Variants in SND1 observed in about 807,000 individuals in gnomAD.
SND1 encodes the protein staphylococcal nuclease domain-containing protein 1.
SND1 carries 38 observed loss-of-function variants against 121.7 expected under a neutral mutation model. The observed-to-expected ratio is 0.31, with a 90% CI of 0.24 to 0.41. The LOEUF is 0.41. Ranked by LOEUF, SND1 falls within the 10% of genes least tolerant of loss-of-function variation. SND1 has a pLI of 1.00. For missense variants in SND1, 868 were observed against 1,184.6 expected (o/e 0.73, Z 3.92); for synonymous variants, 401 against 447.4 (o/e 0.90, Z 1.31).
Position 127,897,337 on chromosome 7 carries a change from T to C in SND1, c.1455-7410T>C, listed in dbSNP as rs1800140998. On this transcript the variant is annotated intron_variant, in intron 13 of 23. Transcript: ENST00000354725. ...TGAACATTGTCACAGAATTGTTGCT[T>C]TTCACTCAGTCAAAAGACACATTAA... 1.3e-5 allele frequency among the ~76,000 whole-genome samples: 2 copies of C among 152,164 alleles called. 1 individual carries two copies. Among genetic ancestry groups the C allele is most frequent in the South Asian group, 4.1e-4 (2 of 4,830 alleles).
chr7:127,773,268 A>C (rs762863944), intron 10 of SND1, among the ~76,000 whole-genome samples: 2 of 152,184 alleles, frequency 1.3e-5, no homozygotes, highest in Non-Finnish European at 2.9e-5. Flanking sequence ...TCTGTCCAAC[A>C]TGGTGAAACC....
chr7:127,834,066 A>T (rs1798819826), intron 11 of SND1, among the ~76,000 whole-genome samples: 1 of 152,068 alleles, frequency 6.6e-6, no homozygotes, highest in Admixed American at 6.5e-5. Flanking sequence ...TATTGTATGT[A>T]TCTACCATAT....
At chr7:127,927,431 G>A (rs559977624) in intron 14 of SND1, among the ~76,000 whole-genome samples, 2 of 152,324 alleles carry the variant, frequency 1.3e-5, no homozygotes, top group Admixed American at 1.3e-4. Flanking sequence ...ATGGCACAAG[G>A]ATTTTAATCA....
At chr7:127,690,911 C>T (rs530736540) in intron 2 of SND1, among the ~76,000 whole-genome samples, 4 of 152,332 alleles carry the variant, frequency 2.6e-5, no homozygotes, top group African/African-American at 9.6e-5. Context: ...ATGATATCGT[C>T]TTTCAAAGAA....
At chr7:127,735,361 T>C (rs879517283) in intron 10 of SND1, among the ~76,000 whole-genome samples, 2 of 152,134 alleles carry the variant, frequency 1.3e-5, no homozygotes, top group Non-Finnish European at 2.9e-5. Context: ...TTTAACATAT[T>C]TTTACAAATG....
intron 10 of SND1, among the ~76,000 whole-genome samples, chr7:127,748,166 C>A (rs1797014512): frequency 6.6e-6 from 1 of 152,202 alleles, no homozygotes; most frequent in Non-Finnish European, 1.5e-5. Context: ...TCCATGTTGT[C>A]TCCACTGTGC....
At chr7:127,903,689 A>G (rs916752782) in intron 13 of SND1, among the ~76,000 whole-genome samples, 1 of 152,166 alleles carries the variant, frequency 6.6e-6, no homozygotes, top group Non-Finnish European at 1.5e-5. Flanking sequence ...TTACTTTAGA[A>G]AGTGATGACC....
chr7:127,903,377 G>A (rs1189209216), intron 13 of SND1, among the ~76,000 whole-genome samples: 3 of 152,114 alleles, frequency 2.0e-5, no homozygotes, highest in Non-Finnish European at 2.9e-5. Flanking sequence ...AAGAAGCCAC[G>A]GGATTCAAGG....
At chr7:128,011,951 CTATT>C in intron 16 of SND1, among the ~76,000 whole-genome samples, 1 of 152,082 alleles carries the variant, frequency 6.6e-6, no homozygotes, top group African/African-American at 2.4e-5. Context: ...CATTAGTATC[CTATT>C]TTCAGTATTT....
intron 3 of SND1, among the ~76,000 whole-genome samples, chr7:127,697,571 G>A (rs961328470): frequency 6.6e-6 from 1 of 152,092 alleles, no homozygotes; most frequent in African/African-American, 2.4e-5. Flanking sequence ...CTGTTGCTTG[G>A]AAGAACCAAT....
intron 12 of SND1, among the ~76,000 whole-genome samples, chr7:127,873,244 G>A (rs552165905): frequency 6.6e-6 from 1 of 152,144 alleles, no homozygotes; most frequent in African/African-American, 2.4e-5. Flanking sequence ...AGGAATTTAT[G>A]TGTTCAGGTA....
intron 12 of SND1, among the ~76,000 whole-genome samples, chr7:127,879,164 C>T (rs765997422): frequency 3.3e-5 from 5 of 152,246 alleles, no homozygotes; most frequent in African/African-American, 4.8e-5. Flanking sequence ...GCACATTGCC[C>T]ATTGTCTCTA....
chr7:127,907,121 G>A (rs545350976), intron 14 of SND1, among the ~76,000 whole-genome samples: 29 of 152,298 alleles, frequency 1.9e-4, no homozygotes, highest in African/African-American at 6.7e-4. Context: ...AAAGCTGCTC[G>A]ATTTAAATGG....
Position 128,029,878 on chromosome 7 carries a change from T to G in SND1, c.1779+38822T>G. 1.2e-6 allele frequency: 2 copies of G among 1,613,384 alleles called. No homozygotes were observed. Among genetic ancestry groups the G allele is most frequent in the Non-Finnish European group, 1.7e-6 (2 of 1,180,034 alleles). On this transcript the variant is annotated intron_variant, in intron 16 of 23. Coordinates refer to ENST00000354725, the MANE Select transcript of SND1 (RefSeq NM_014390.4). The surrounding 1 kb of genome is among the most constrained non-coding windows in gnomAD (Gnocchi z 4.2). ...TCAAAAGCATTCCGCTCAATCAGGCTGACCTGTGAGTTCATGACCCAGAGC... is the reference window on the plus strand; with the variant it reads ...TCAAAAGCATTCCGCTCAATCAGGCGGACCTGTGAGTTCATGACCCAGAGC...
At chr7:127,827,147 C>T (rs1051476033) in intron 11 of SND1, among the ~76,000 whole-genome samples, 1 of 152,202 alleles carries the variant, frequency 6.6e-6, no homozygotes, top group South Asian at 2.1e-4. Flanking sequence ...GGGGAAGCCA[C>T]ATAACTTCTG....
intron 18 of SND1, 23 bp downstream of exon 18, chr7:128,081,524 C>T (rs781655012): frequency 2.6e-5 from 42 of 1,612,392 alleles, no homozygotes; most frequent in South Asian, 7.7e-5. Flanking sequence ...GCCGCTGGCT[C>T]GTGGTTCCTG....
Position 128,029,548 on chromosome 7 carries a change from A to C in SND1, c.1779+38492A>C. On this transcript the variant is annotated intron_variant, in intron 16 of 23. Coordinates refer to ENST00000354725, the MANE Select transcript of SND1 (RefSeq NM_014390.4). This position sits in a 1 kb window ranked among gnomAD's most constrained non-coding sequence, Gnocchi z 4.2. ...TTAAGTTCTGCCATCCGACCCTCAG[A>C]AATGTTGAGGTCTCGAGGTGCGTCC... The C allele has an allele frequency of 1.2e-6, 2 of 1,614,038 alleles. No homozygotes were observed. Among genetic ancestry groups the C allele is most frequent in the Non-Finnish European group, 1.7e-6 (2 of 1,180,016 alleles).
At chr7:127,832,276 A>G (rs1455294674) in intron 11 of SND1, among the ~76,000 whole-genome samples, 1 of 152,260 alleles carries the variant, frequency 6.6e-6, no homozygotes, top group Admixed American at 6.5e-5. Flanking sequence ...AATTCCTAGA[A>G]GTGGAACTGC....
intron 16 of SND1, among the ~76,000 whole-genome samples, chr7:127,992,828 T>TA (rs1410784503): frequency 6.6e-6 from 1 of 152,224 alleles, no homozygotes; most frequent in Admixed American, 6.5e-5. Flanking sequence ...AAAACTCTTT[T>TA]ACTCTCCCAT....
Sources: gnomAD v4.1 joint callset for allele counts (sites outside exome capture counted in the v4.1 genomes callset) on GRCh38, gnomAD v4.1.1 for gene constraint, Gnocchi (gnomAD v3.1) non-coding constraint, MANE v1.5 for transcripts, NCBI Gene and HGNC (gene_info 2026-07-23, HGNC 2026-07-21) for gene names.